EML6: variants seen among roughly 807,000 people sequenced by gnomAD.
EML6 encodes the protein echinoderm microtubule-associated protein-like 6.
EML6 carries 154 observed loss-of-function variants against 240.1 expected under a neutral mutation model. That is an observed-to-expected ratio of 0.64 (90% CI 0.56 to 0.73). The LOEUF (loss-of-function observed/expected upper bound fraction) is 0.73, where lower values mean the gene tolerates loss of function less well. Among genes scored for constraint, EML6 ranks in the 30% least tolerant of loss-of-function variants. The pLI, the probability that EML6 is intolerant of heterozygous loss-of-function variation, is 0.00. For missense variants in EML6, 2,964 were observed against 2,474.6 expected, an observed-to-expected ratio of 1.20 and a Z score of -4.20; for synonymous variants, 1,148 against 899.0, an observed-to-expected ratio of 1.28 and a Z score of -4.95.
Position 54,928,545 on chromosome 2 carries a change from C to T in EML6, c.3877+31C>T, listed in dbSNP as rs190205013. The stretch of plus-strand genomic sequence containing the variant: ...CCCCCCACCTGCCACATGCCTCCTG[C>T]GCCGAATGCACCTCCCAACACCTCC... On this transcript the variant is annotated intron_variant, in intron 27 of 41. Coordinates refer to ENST00000356458, the MANE Select transcript of EML6 (RefSeq NM_001039753.4). The T allele has an allele frequency of 6.9e-4, 1,061 of 1,547,770 alleles. 3 individuals carry two copies. The highest frequency in any genetic ancestry group is 1.9e-3 in the Admixed American group (97 of 50,918).
intron 11 of EML6, among the ~76,000 whole-genome samples, chr2:54,857,788 G>T (rs2103810050): frequency 6.6e-6 from 1 of 152,294 alleles, no homozygotes. Context: ...TAGAAGCAGA[G>T]AAAATGCCTA....
chr2:54,943,587 G>T (rs561089516), intron 28 of EML6, among the ~76,000 whole-genome samples: 2 of 152,012 alleles, frequency 1.3e-5, no homozygotes, highest in Admixed American at 1.3e-4. Context: ...CTGCCATTCT[G>T]CTGACATGGG....
intron 11 of EML6, among the ~76,000 whole-genome samples, chr2:54,858,432 G>A (rs1360661680): frequency 6.6e-6 from 1 of 152,206 alleles, no homozygotes; most frequent in Non-Finnish European, 1.5e-5. Flanking sequence ...CAAAGAAGAG[G>A]CCAACACTTT....
At chr2:54,813,913 T>G (rs1280690357) in intron 3 of EML6, among the ~76,000 whole-genome samples, 4 of 152,216 alleles carry the variant, frequency 2.6e-5, no homozygotes, top group Non-Finnish European at 4.4e-5. Context: ...TATTCATGTT[T>G]CTTTACAGTA....
At chr2:54,795,365 C>CT (rs1669702782) in intron 2 of EML6, among the ~76,000 whole-genome samples, 2 of 152,162 alleles carry the variant, frequency 1.3e-5, no homozygotes, top group Non-Finnish European at 2.9e-5. Context: ...TGAGAAATCA[C>CT]TATCACGAGA....
intron 2 of EML6, among the ~76,000 whole-genome samples, chr2:54,731,820 C>G (rs1056456900): frequency 3.3e-5 from 5 of 152,188 alleles, no homozygotes; most frequent in Non-Finnish European, 7.3e-5. Flanking sequence ...TTAGGCAACA[C>G]TATCCTGCAG....
intron 24 of EML6, among the ~76,000 whole-genome samples, chr2:54,904,867 A>G (rs79396100): frequency 0.015 from 2,342 of 152,330 alleles, 61 homozygotes; most frequent in African/African-American, 0.054. Flanking sequence ...TTCTTGGAGT[A>G]GTGGCCATAG....
intron 22 of EML6, among the ~76,000 whole-genome samples, chr2:54,900,005 G>T (rs1459661545): frequency 2.6e-5 from 4 of 152,148 alleles, no homozygotes; most frequent in African/African-American, 9.7e-5. Flanking sequence ...CATTTTCCTT[G>T]CACTGCACAG....
In EML6 at chr2:54,909,611, C is replaced by G. The variant is rs113705398; in HGVS notation, c.3410-1343C>G. Reference sequence around the variant, plus strand: ...ATATAATCCCAGCACTTTGGGAGGCCGAGGTGGGCAGATCACCTGAGGTCA... The same window carrying G: ...ATATAATCCCAGCACTTTGGGAGGCGGAGGTGGGCAGATCACCTGAGGTCA... On this transcript the variant is annotated intron_variant, in intron 24 of 41. Transcript: ENST00000356458. Among the ~76,000 whole-genome samples, 1,289 of 151,936 alleles carry G rather than the reference C, an allele frequency of 8.5e-3. 18 individuals carry two copies. The highest frequency in any genetic ancestry group is 0.03 in the African/African-American group (1,224 of 41,400).
chr2:54,754,311 T>C (rs1447839496), intron 2 of EML6, among the ~76,000 whole-genome samples: 1 of 152,120 alleles, frequency 6.6e-6, no homozygotes, highest in Non-Finnish European at 1.5e-5. Flanking sequence ...CTTGAAAATC[T>C]TGATTTTCGT....
chr2:54,760,607 C>T (rs749334506), intron 2 of EML6, among the ~76,000 whole-genome samples: 13 of 152,046 alleles, frequency 8.6e-5, no homozygotes, highest in African/African-American at 1.9e-4. Context: ...ACCATCTGGC[C>T]GGTATATGAC....
At chr2:54,759,089 C>T (rs1667865958) in intron 2 of EML6, among the ~76,000 whole-genome samples, 1 of 151,668 alleles carries the variant, frequency 6.6e-6, no homozygotes, top group Admixed American at 6.6e-5. Flanking sequence ...GTGAAGCAGC[C>T]TCCATTAGGT....
intron 2 of EML6, among the ~76,000 whole-genome samples, chr2:54,765,756 A>C (rs1019497606): frequency 1.3e-5 from 2 of 152,174 alleles, no homozygotes; most frequent in African/African-American, 4.8e-5. Flanking sequence ...CATTCTTTTT[A>C]GTTTAGTCCC....
At chr2:54,887,276 A>T (rs992421938) in intron 17 of EML6, among the ~76,000 whole-genome samples, 2 of 152,214 alleles carry the variant, frequency 1.3e-5, no homozygotes, top group Non-Finnish European at 2.9e-5. Flanking sequence ...TACTTAGTTC[A>T]GGGTTCAAAG....
intron 28 of EML6, among the ~76,000 whole-genome samples, chr2:54,933,818 G>A (rs1674988884): frequency 6.6e-6 from 1 of 152,122 alleles, no homozygotes; most frequent in South Asian, 2.1e-4. Flanking sequence ...CCAAAAAGAG[G>A]CGGCTCAAAG....
At chr2:54,740,902 G>T (rs1331361637) in intron 2 of EML6, among the ~76,000 whole-genome samples, 1 of 151,998 alleles carries the variant, frequency 6.6e-6, no homozygotes, top group Non-Finnish European at 1.5e-5. Context: ...GTGAAATTCA[G>T]TTTCTAGTCC....
chr2:54,895,104 T>G, intron 20 of EML6, 78 bp downstream of exon 20: 1 of 1,340,616 alleles, frequency 7.5e-7, no homozygotes, highest in Non-Finnish European at 1.0e-6. Flanking sequence ...TTTAGAAAAC[T>G]ATTAGCAAAT....
In EML6 at chr2:54,724,642, C is replaced by T. The variant is rs1333698753; in HGVS notation, c.-420C>T. 3 of 152,398 alleles carry T rather than the reference C, an allele frequency of 2.0e-5. No homozygotes were observed. Among genetic ancestry groups the T allele is most frequent in the South Asian group, 4.1e-4 (2 of 4,828 alleles). The allele number at this position is 152,398 out of a possible 1,614,324, so 9.4% of individuals were successfully genotyped here. A position where few individuals can be genotyped will look rare whatever the true frequency, so the allele number is the denominator to read the frequency against. ...TCGCAGAATAAATCCCGCCGCCTGC[C>T]GCGAAGCCCCGGCGCACCGCAAACT... is the stretch of plus-strand genomic sequence containing the variant. On this transcript the variant is annotated 5_prime_UTR_variant, in exon 2 of 42. Transcript: ENST00000356458. The surrounding 1 kb of genome is among the most constrained non-coding windows in gnomAD (Gnocchi z 5.2).
chr2:54,930,098 A>T (rs930359224), intron 28 of EML6, among the ~76,000 whole-genome samples: 2 of 152,190 alleles, frequency 1.3e-5, no homozygotes, highest in Admixed American at 1.3e-4. Flanking sequence ...GAAAAAAAAA[A>T]ATTACCCAGC....
Sources: allele counts gnomAD v4.1 joint callset (sites outside exome capture counted in the v4.1 genomes callset), GRCh38; gene constraint gnomAD v4.1.1; non-coding constraint Gnocchi (gnomAD v3.1); transcripts MANE v1.5; gene names NCBI Gene and HGNC (gene_info 2026-07-23, HGNC 2026-07-21).